Variants in MICALL1 observed in about 807,000 individuals in gnomAD.
MICALL1 encodes the protein MICAL like 1.
MICALL1 carries 61 observed loss-of-function variants against 83.7 expected under a neutral mutation model. The observed-to-expected ratio is 0.73, with a 90% CI of 0.59 to 0.90. The LOEUF is 0.90. Among genes scored for constraint, MICALL1 ranks in the 40% least tolerant of loss-of-function variants. The pLI is 0.00. For missense variants in MICALL1, 1,066 were observed against 1,152.0 expected, an observed-to-expected ratio of 0.93 and a Z score of 1.08; for synonymous variants, 481 against 473.6, an observed-to-expected ratio of 1.02 and a Z score of -0.20.
In MICALL1 at chr22:37,906,840, A is replaced by C; in HGVS notation, c.146+272A>C. The C allele has an allele frequency of 4.0e-5, 7 of 175,630 alleles. No homozygotes were observed. The highest frequency in any genetic ancestry group is 1.6e-4 in the East Asian group (1 of 6,306). 10.9% of individuals were successfully genotyped at this position (175,630 alleles called of 1,614,324 possible). A position where few individuals can be genotyped will look rare whatever the true frequency, so the allele number is the denominator to read the frequency against. On this transcript the variant is annotated intron_variant, in intron 1 of 15. Transcript: ENST00000215957. This position sits in a 1 kb window ranked among gnomAD's most constrained non-coding sequence, Gnocchi z 4.4. ...CGCGGGGACACTGGCCCCGCCCACA[A>C]AGCGCTGATTTCCGCCGAGGATCGC...
intron 7 of MICALL1, among the ~76,000 whole-genome samples, chr22:37,925,263 C>T (rs1050106885): frequency 9.9e-5 from 15 of 152,210 alleles, no homozygotes; most frequent in East Asian, 3.9e-4. Flanking sequence ...CCCAGTGCCC[C>T]GCCCAGTGCT....
chr22:37,933,057 G>A lies in MICALL1; in HGVS notation c.2253G>A (p.Leu751=), dbSNP rs1370785628. 1 of 1,614,070 alleles carries A rather than the reference G, an allele frequency of 6.2e-7. No homozygotes were observed. The part of the protein sequence containing the change: ...ELIYVFKQQN[L]EQRQADVEYE... ...CCCCTAGCTTCAAGCAGCAGAACCT[G>A]GAGCAGCGCCAGGCTGATGTCGAGT... The change falls in exon 13 of 16, where the codon CTG becomes CTA. Residue 751 remains leucine (L), a synonymous_variant. Coordinates refer to ENST00000215957, the MANE Select transcript of MICALL1 (RefSeq NM_033386.4).
intron 13 of MICALL1, among the ~76,000 whole-genome samples, chr22:37,935,991 A>C (rs1285826084): frequency 6.6e-6 from 1 of 151,974 alleles, no homozygotes; most frequent in Non-Finnish European, 1.5e-5. Context: ...GGCCTCCCAA[A>C]GTGCTGGGAT....
At chr22:37,928,938 C>T (rs1251415079) in intron 9 of MICALL1, among the ~76,000 whole-genome samples, 2 of 152,134 alleles carry the variant, frequency 1.3e-5, no homozygotes, top group Non-Finnish European at 2.9e-5. Flanking sequence ...GCCTGGCCAA[C>T]ATGGTGAAAC....
Position 37,924,334 on chromosome 22 carries a change from T to G in MICALL1, c.1025-326T>G, listed in dbSNP as rs975008913. ...CTGCTGTGGGATTCACAGAGGACACTTGGGAGTCCAGGACTTCCAGGAGGA... is the reference window on the plus strand; with the variant it reads ...CTGCTGTGGGATTCACAGAGGACACGTGGGAGTCCAGGACTTCCAGGAGGA... On this transcript the variant is annotated intron_variant, in intron 6 of 15. Coordinates refer to ENST00000215957, the MANE Select transcript of MICALL1 (RefSeq NM_033386.4). The surrounding 1 kb of genome is among the most constrained non-coding windows in gnomAD (Gnocchi z 5.2). Among the ~76,000 whole-genome samples the G allele has an allele frequency of 6.6e-6, 1 of 152,148 alleles. No homozygotes were observed. The highest frequency in any genetic ancestry group is 1.5e-5 in the Non-Finnish European group (1 of 68,012).
intron 1 of MICALL1, chr22:37,907,555 C>G (rs1041993555): frequency 6.6e-6 from 1 of 152,296 alleles, no homozygotes; most frequent in Non-Finnish European, 1.5e-5. Context: ...GTCCCTACCC[C>G]TTTCGCATGC....
intron 3 of MICALL1, among the ~76,000 whole-genome samples, chr22:37,914,697 G>A (rs1317918598): frequency 1.3e-5 from 2 of 151,890 alleles, no homozygotes; most frequent in African/African-American, 2.4e-5. Context: ...CTGGAGTGCA[G>A]TGGCATGATC....
intron 1 of MICALL1, among the ~76,000 whole-genome samples, chr22:37,910,124 A>C (rs888049489): frequency 4.6e-5 from 7 of 152,258 alleles, no homozygotes; most frequent in African/African-American, 1.7e-4. Context: ...GAAGACTCTC[A>C]GAAAATATAT....
chr22:37,932,617 G>T lies in MICALL1; in HGVS notation c.2081G>T (p.Arg694Leu), dbSNP rs151298992. The change falls in exon 11 of 16, where the codon CGG (arginine) becomes CTG (leucine). Residue 694 changes from arginine (R) to leucine (L), a missense_variant. Coordinates refer to ENST00000215957, the MANE Select transcript of MICALL1 (RefSeq NM_033386.4). This position sits in a 1 kb window ranked among gnomAD's most constrained non-coding sequence, Gnocchi z 4.4. ...IHGEMDTIER[R>L]LDALEHRGVL... ...GGAGAGATGGATACCATTGAGCGCC[G>T]GCTGGATGCCCTGGAGCACCGTGGG... 52 of 1,614,068 alleles carry T rather than the reference G, an allele frequency of 3.2e-5. No homozygotes were observed. Among genetic ancestry groups the T allele is most frequent in the Non-Finnish European group, 4.0e-5 (47 of 1,180,038 alleles).
At chr22:37,925,582 G>A (rs1049547997) in intron 7 of MICALL1, 79 bp from the exon 8 acceptor site, 1 of 964,464 alleles carries the variant, frequency 1.0e-6, no homozygotes, top group African/African-American at 1.6e-5. Context: ...CTTTGAAGTA[G>A]AGTCAAAACT....
rs761240584 is a variant in MICALL1, at chr22:37,926,048, G to A, written c.1465+5G>A. On this transcript the variant is annotated splice_donor_5th_base_variant and intron_variant, in intron 8 of 15. Transcript: ENST00000215957. The stretch of plus-strand genomic sequence containing the variant: ...CACCCAGCGCGTCCCCACTGGGTGA[G>A]TGCCTTTCCTGGAGCTCTCCTGACA... 5 of 1,583,638 alleles carry A rather than the reference G, an allele frequency of 3.2e-6. No individual in the cohort carries two copies. Among genetic ancestry groups the A allele is most frequent in the East Asian group, 4.5e-5 (2 of 44,408 alleles).
At chr22:37,927,013 C>T in intron 8 of MICALL1, 1 of 249,488 alleles carries the variant, frequency 4.0e-6, no homozygotes, top group East Asian at 7.5e-5. Context: ...TGGTGCCCGG[C>T]AGTGCCTGTC....
At chr22:37,914,388 G>A (rs1451553387) in intron 3 of MICALL1, among the ~76,000 whole-genome samples, 7 of 150,340 alleles carry the variant, frequency 4.7e-5, no homozygotes, top group African/African-American at 1.2e-4. Flanking sequence ...CACCACACCC[G>A]GCTAATTTTT....
rs1293348885 is a variant in MICALL1, at chr22:37,926,051, C to T, written c.1465+8C>T. 1.9e-6 allele frequency: 3 copies of T among 1,580,220 alleles called. No individual in the cohort carries two copies. The highest frequency in any genetic ancestry group is 2.6e-6 in the Non-Finnish European group (3 of 1,160,902). On this transcript the variant is annotated splice_region_variant and intron_variant, in intron 8 of 15. Transcript: ENST00000215957. ...CCAGCGCGTCCCCACTGGGTGAGTG[C>T]CTTTCCTGGAGCTCTCCTGACAGTC... is the stretch of plus-strand genomic sequence containing the variant.
chr22:37,909,506 C>G (rs1350866658), intron 1 of MICALL1, among the ~76,000 whole-genome samples: 4 of 149,338 alleles, frequency 2.7e-5, no homozygotes, highest in African/African-American at 9.9e-5. Context: ...CTACAGGTGC[C>G]CGCCACCATG....
At chr22:37,916,844 G>C (rs950393598) in intron 3 of MICALL1, among the ~76,000 whole-genome samples, 2 of 152,108 alleles carry the variant, frequency 1.3e-5, no homozygotes, top group African/African-American at 4.8e-5. Flanking sequence ...GCCACTCCTG[G>C]CACCAACCAT....
chr22:37,931,890 G>A lies in MICALL1; in HGVS notation c.1973G>A (p.Arg658Lys), dbSNP rs756317446. The change falls in exon 10 of 16, where the codon AGG becomes AAG. Residue 658 changes from arginine (R) to lysine (K), a missense_variant. Transcript: ENST00000215957. ...GCCACCAAGGGATCCAAGCCAGTGA[G>A]GCCACCTGCCCCTGGACACGGCTTT... is the stretch of plus-strand genomic sequence containing the variant. ...KKATKGSKPVRPPAPGHGFPL... is the reference protein window; with the variant it reads ...KKATKGSKPVKPPAPGHGFPL... The A allele has an allele frequency of 3.7e-6, 6 of 1,614,048 alleles. No homozygotes were observed. The highest frequency in any genetic ancestry group is 5.1e-6 in the Non-Finnish European group (6 of 1,180,036).
intron 3 of MICALL1, among the ~76,000 whole-genome samples, chr22:37,917,063 T>G (rs1199737562): frequency 2.0e-5 from 3 of 151,942 alleles, no homozygotes; most frequent in Admixed American, 6.6e-5. Context: ...GTAGAGATGG[T>G]GTTTCACTAT....
At chr22:37,926,178 T>A in intron 8 of MICALL1, 135 bp downstream of exon 8, 2 of 1,159,494 alleles carry the variant, frequency 1.7e-6, no homozygotes, top group Non-Finnish European at 2.4e-6. Context: ...CATTTAATCC[T>A]AGAGCAAACC....
Sources: allele counts gnomAD v4.1 joint callset (sites outside exome capture counted in the v4.1 genomes callset), GRCh38; gene constraint gnomAD v4.1.1; non-coding constraint Gnocchi (gnomAD v3.1); transcripts MANE v1.5; gene names NCBI Gene and HGNC (gene_info 2026-07-23, HGNC 2026-07-21).